The following AKAP13 variants were observed in gnomAD, a reference collection of about 807,000 sequenced individuals.
AKAP13 encodes the protein A-kinase anchor protein 13.
Under a neutral mutation model 264.5 loss-of-function variants are expected in AKAP13, and 80 were observed. That is an observed-to-expected ratio of 0.30 (90% CI 0.25 to 0.36). The LOEUF is 0.36. AKAP13 is among the 10% of genes least tolerant of loss of function. The probability of loss-of-function intolerance (pLI) is 1.00; values close to 1 mark genes in which losing one functional copy is unlikely to be tolerated. For synonymous variants in AKAP13, 1,380 were observed against 1,250.2 expected (o/e 1.10, Z -2.19); for missense variants, 3,712 against 3,435.2 (o/e 1.08, Z -2.01).
intron 14 of AKAP13, among the ~76,000 whole-genome samples, chr15:85,675,975 T>G: frequency 6.6e-6 from 1 of 151,964 alleles, no homozygotes; most frequent in African/African-American, 2.4e-5. Flanking sequence ...GTAGTGGCGC[T>G]ATCTCGGCTC....
intron 5 of AKAP13, among the ~76,000 whole-genome samples, chr15:85,567,003 C>A (rs1030133528): frequency 7.9e-5 from 12 of 152,126 alleles, no homozygotes; most frequent in African/African-American, 2.9e-4. Flanking sequence ...TTACTTAGAT[C>A]ACCTGTGTAC....
chr15:85,741,240 C>T lies in AKAP13; in HGVS notation c.7803C>T (p.Arg2601=), dbSNP rs764098592. The part of the protein sequence containing the change: ...QAQYLEEKRR[R]EREWEARERE... ...AGTACCTCGAGGAGAAGCGCAGGCG[C>T]GAGCGTGAGTGGGAAGCTCGTGAGA... is the stretch of plus-strand genomic sequence containing the variant. The change falls in exon 35 of 37, where the codon CGC becomes CGT. Residue 2601 remains arginine, a synonymous_variant. Transcript: ENST00000394518. The T allele has an allele frequency of 8.7e-6, 14 of 1,608,864 alleles. 1 individual carries two copies. Among genetic ancestry groups the T allele is most frequent in the African/African-American group, 5.3e-5 (4 of 74,832 alleles).
intron 8 of AKAP13, 113 bp from the exon 9 acceptor site, chr15:85,639,261 C>A: frequency 2.7e-6 from 2 of 734,786 alleles, no homozygotes; most frequent in Non-Finnish European, 4.5e-6. Flanking sequence ...GTTTGCTCAC[C>A]CTGTATTAAA....
intron 26 of AKAP13, 30 bp downstream of exon 26, chr15:85,723,350 G>A (rs2087407218): frequency 6.2e-7 from 1 of 1,604,440 alleles, no homozygotes; most frequent in Non-Finnish European, 8.5e-7. Context: ...TCTTAAGTAT[G>A]TGCCCAGGTA....
Position 85,579,167 on chromosome 15 carries a change from C to T in AKAP13, c.1099C>T (p.Arg367Cys), listed in dbSNP as rs140056616. The part of the protein sequence containing the change: ...SSIVEEENTD[R>C]SCRKKNKGVE... ...CATAGTTGAGGAGGAGAATACAGACCGTTCCTGTAGGAAGAAAAATAAAGG... is the reference window on the plus strand; with the variant it reads ...CATAGTTGAGGAGGAGAATACAGACTGTTCCTGTAGGAAGAAAAATAAAGG... Residue 367 changes from arginine (R) to cysteine (C), a missense_variant, in exon 7 of 37, where the codon CGT becomes TGT. Arg to Cys is a radical substitution (Grantham distance 180). This residue lies in a region of AKAP13 where 2,759 missense variants were observed against 2,411.7 expected (regional missense o/e 1.14). Transcript: ENST00000394518. The T allele has an allele frequency of 1.4e-5, 23 of 1,613,990 alleles. No homozygotes were observed. Among genetic ancestry groups the T allele is most frequent in the Middle Eastern group, 1.6e-4 (1 of 6,084 alleles).
At chr15:85,554,975 T>C (rs1340602306) in intron 5 of AKAP13, among the ~76,000 whole-genome samples, 1 of 152,186 alleles carries the variant, frequency 6.6e-6, no homozygotes, top group East Asian at 1.9e-4. Context: ...CTTCTTTTTC[T>C]TTGCACTCTC....
At chr15:85,679,667 C>A (rs1400045888) in intron 14 of AKAP13, among the ~76,000 whole-genome samples, 1 of 152,174 alleles carries the variant, frequency 6.6e-6, no homozygotes, top group African/African-American at 2.4e-5. Context: ...TGAAAAATAT[C>A]AACTGTGTCC....
intron 12 of AKAP13, chr15:85,662,524 G>T: frequency 4.4e-6 from 7 of 1,580,052 alleles, no homozygotes; most frequent in Non-Finnish European, 1.7e-6. Context: ...TTTTGGCTTG[G>T]AGCTGGCTTC....
At chr15:85,442,548 ATATT>A (rs1487793708) in intron 1 of AKAP13, among the ~76,000 whole-genome samples, 3 of 132,416 alleles carry the variant, frequency 2.3e-5, no homozygotes, top group African/African-American at 5.8e-5. Flanking sequence ...TATTATATAT[ATATT>A]TATTTCTAGC....
intron 1 of AKAP13, among the ~76,000 whole-genome samples, chr15:85,385,487 G>A (rs1021158): frequency 9.9e-5 from 15 of 152,264 alleles, no homozygotes; most frequent in African/African-American, 3.6e-4. Context: ...CTGCAAACAG[G>A]ACAGTCCCTT....
At chr15:85,442,490 A>AT (rs1491272735) in intron 1 of AKAP13, among the ~76,000 whole-genome samples, 2 of 110,456 alleles carry the variant, frequency 1.8e-5, no homozygotes, top group African/African-American at 7.0e-5. Context: ...TAATATATAT[A>AT]ATATATATTA....
chr15:85,599,185 G>A (rs1399998671), intron 8 of AKAP13, among the ~76,000 whole-genome samples: 1 of 152,188 alleles, frequency 6.6e-6, no homozygotes, highest in African/African-American at 2.4e-5. Context: ...CCTTGAGTGA[G>A]GAAAAGGATT....
chr15:85,533,202 C>T (rs1024865843), intron 3 of AKAP13, among the ~76,000 whole-genome samples: 3 of 152,112 alleles, frequency 2.0e-5, no homozygotes, highest in African/African-American at 7.2e-5. Context: ...TAATTTAGTT[C>T]AGTAGCTATT....
intron 8 of AKAP13, among the ~76,000 whole-genome samples, chr15:85,588,883 T>C (rs891846088): frequency 6.6e-6 from 1 of 152,218 alleles, no homozygotes; most frequent in Non-Finnish European, 1.5e-5. Context: ...GTAAAGTTGC[T>C]ATAAGAAGCC....
intron 1 of AKAP13, among the ~76,000 whole-genome samples, chr15:85,394,810 T>C (rs1401445255): frequency 6.6e-6 from 1 of 152,218 alleles, no homozygotes; most frequent in Non-Finnish European, 1.5e-5. Flanking sequence ...CACCTTTCAC[T>C]GAGTCCTAGA....
intron 23 of AKAP13, among the ~76,000 whole-genome samples, chr15:85,721,357 AT>A (rs1443393350): frequency 1.3e-5 from 2 of 152,230 alleles, no homozygotes; most frequent in African/African-American, 4.8e-5. Flanking sequence ...GTAAGGATCA[AT>A]TTGTGTTGCC....
chr15:85,466,245 G>A (rs886080298), intron 1 of AKAP13, among the ~76,000 whole-genome samples: 2 of 151,682 alleles, frequency 1.3e-5, no homozygotes, highest in Non-Finnish European at 2.9e-5. Flanking sequence ...TGTAGATTCT[G>A]GATATTAGCC....
At chr15:85,611,810 T>C (rs899877701) in intron 8 of AKAP13, among the ~76,000 whole-genome samples, 7 of 152,196 alleles carry the variant, frequency 4.6e-5, no homozygotes, top group Non-Finnish European at 1.0e-4. Flanking sequence ...CTGGGCCTTA[T>C]GCAGTCTTCT....
intron 23 of AKAP13, among the ~76,000 whole-genome samples, chr15:85,720,759 A>AC (rs1186471847): frequency 2.0e-5 from 3 of 152,144 alleles, no homozygotes; most frequent in Non-Finnish European, 4.4e-5. Flanking sequence ...TTGAGCCCAT[A>AC]CCCCTCACTT....
Sources: gnomAD v4.1 joint callset for allele counts (sites outside exome capture counted in the v4.1 genomes callset) on GRCh38, gnomAD v4.1.1 for gene constraint, gnomAD v4.1.1 regional missense constraint, MANE v1.5 for transcripts, NCBI Gene and HGNC (gene_info 2026-07-23, HGNC 2026-07-21) for gene names.